IFT122: variants seen among roughly 807,000 people sequenced by gnomAD.
The protein encoded by IFT122 is intraflagellar transport protein 122 homolog.
A neutral mutation model predicts 161.6 loss-of-function variants in IFT122; 118 were observed. The ratio of observed to expected loss-of-function variants is 0.73; its 90% CI spans 0.63 to 0.85. IFT122 has a LOEUF of 0.85. IFT122 is among the 40% of genes least tolerant of loss of function. The probability of loss-of-function intolerance (pLI) is 0.00; values close to 1 mark genes in which losing one functional copy is unlikely to be tolerated. For synonymous variants in IFT122, 550 were observed against 602.4 expected (o/e 0.91, Z 1.27); for missense variants, 1,381 against 1,579.6 (o/e 0.87, Z 2.13).
In IFT122 at chr3:129,487,670, C is replaced by T. The variant is rs539955704; in HGVS notation, c.1852-587C>T. ...CCTGGAAGAAGAGGCCATTCCAGACCGCTTCCTCCCACGAACTCATTCATT... is the reference window on the plus strand; with the variant it reads ...CCTGGAAGAAGAGGCCATTCCAGACTGCTTCCTCCCACGAACTCATTCATT... On this transcript the variant is annotated intron_variant, in intron 15 of 29. Coordinates refer to ENST00000348417, the MANE Select transcript of IFT122 (RefSeq NM_052989.3). 13 of 173,012 alleles carry T rather than the reference C, an allele frequency of 7.5e-5. No individual in the cohort carries two copies. The South Asian group carries it at 1.1e-3, about 14-fold the overall frequency. The allele number at this position is 173,012 out of a possible 1,614,324, so 10.7% of individuals were successfully genotyped here. A position where few individuals can be genotyped will look rare whatever the true frequency, so the allele number is the denominator to read the frequency against.
At chr3:129,520,021 C>T (rs564281304) in intron 29 of IFT122, among the ~76,000 whole-genome samples, 155 bp from the exon 30 acceptor site, 1 of 152,196 alleles carries the variant, frequency 6.6e-6, no homozygotes, top group Non-Finnish European at 1.5e-5. Context: ...CCTCCCATCT[C>T]CCCTTCCAGC....
intron 17 of IFT122, 48 bp from the exon 18 acceptor site, chr3:129,495,398 C>T (rs199742667): frequency 8.6e-5 from 138 of 1,610,168 alleles, no homozygotes; most frequent in East Asian, 8.5e-4. Flanking sequence ...AAGGCTGCTT[C>T]CTGCCCATGG....
chr3:129,514,578 A>G lies in IFT122; in HGVS notation c.3153+24A>G, dbSNP rs201643140. The G allele has an allele frequency of 2.3e-4, 378 of 1,614,010 alleles. 2 individuals are homozygous for G. In the African/African-American group the frequency reaches 4.4e-3, roughly 19 times the overall value. ...AGGTGAGGATGCAGCACCCTTGGGC[A>G]GGTGGCTTCTCCTCTCCCTTGAGGC... On this transcript the variant is annotated intron_variant, in intron 25 of 29. Coordinates refer to ENST00000348417, the MANE Select transcript of IFT122 (RefSeq NM_052989.3).
chr3:129,449,539 C>G (rs1434097882), intron 1 of IFT122, among the ~76,000 whole-genome samples: 1 of 152,166 alleles, frequency 6.6e-6, no homozygotes, highest in Non-Finnish European at 1.5e-5. Context: ...TTTACTGGCC[C>G]TTAACACATT....
At chr3:129,500,123 C>T in intron 19 of IFT122, 55 bp downstream of exon 19, 2 of 1,582,900 alleles carry the variant, frequency 1.3e-6, no homozygotes, top group Non-Finnish European at 1.7e-6. Flanking sequence ...TCACATGTCA[C>T]CTCTTGACTG....
Position 129,507,690 on chromosome 3 carries a change from G to A in IFT122, c.2814G>A (p.Met938Ile). The A allele has an allele frequency of 6.2e-7, 1 of 1,614,154 alleles. No homozygotes were observed. The highest frequency in any genetic ancestry group is 8.5e-7 in the Non-Finnish European group (1 of 1,180,000). ...IAQDPAQKDTMLGKFYHFQRL... is the reference protein window; with the variant it reads ...IAQDPAQKDTILGKFYHFQRL... ...CAGATCCTGCCCAGAAGGACACAAT[G>A]CTTGGCAAGTTCTACCACTTCCAGC... Residue 938 changes from methionine to isoleucine, a missense_variant, in exon 23 of 30, where the codon ATG becomes ATA. Transcript: ENST00000348417.
At position 129,512,235 on chromosome 3, in the gene IFT122, T is replaced by C. The variant is rs770258262; in HGVS notation, c.2887-77T>C. 822 of 958,920 alleles carry C rather than the reference T, an allele frequency of 8.6e-4. 4 individuals are homozygous for C. The highest frequency in any genetic ancestry group is 1.1e-3 in the Non-Finnish European group (621 of 581,588). 59.4% of individuals were successfully genotyped at this position (958,920 alleles called of 1,614,324 possible). A position where few individuals can be genotyped will look rare whatever the true frequency, so the allele number is the denominator to read the frequency against. ...CTCTTGTTGATGTCACTCAGAATTATTGGTGTCTGCCTTTTGGCCTGGCCC... is the reference window on the plus strand; with the variant it reads ...CTCTTGTTGATGTCACTCAGAATTACTGGTGTCTGCCTTTTGGCCTGGCCC... On this transcript the variant is annotated intron_variant, in intron 23 of 29. Coordinates refer to ENST00000348417, the MANE Select transcript of IFT122 (RefSeq NM_052989.3).
At chr3:129,448,670 C>T (rs1330736711) in intron 1 of IFT122, among the ~76,000 whole-genome samples, 3 of 151,998 alleles carry the variant, frequency 2.0e-5, no homozygotes, top group African/African-American at 7.2e-5. Context: ...GTGCAAGCTT[C>T]CAGCTTGCCT....
intron 1 of IFT122, among the ~76,000 whole-genome samples, chr3:129,443,473 G>A (rs2073542108): frequency 6.6e-6 from 1 of 152,238 alleles, no homozygotes; most frequent in Non-Finnish European, 1.5e-5. Context: ...TCAAGCAGGG[G>A]CTAGATGGCC....
At position 129,454,410 on chromosome 3, in the gene IFT122, A is replaced by C. The variant is rs1032029957; in HGVS notation, c.193+2412A>C. On this transcript the variant is annotated intron_variant, in intron 3 of 29. Transcript: ENST00000348417. The stretch of plus-strand genomic sequence containing the variant: ...CTCTGTCTCTTAAAAAAAAAAAAAA[A>C]AGACAAGTCATGTGACTTGCCAAGG... Among the ~76,000 whole-genome samples, 8 of 151,804 alleles carry C rather than the reference A, an allele frequency of 5.3e-5. No homozygotes were observed. In the East Asian group the frequency reaches 5.8e-4, roughly 11 times the overall value.
In IFT122 at chr3:129,440,367, C is replaced by T. The variant is rs2072784324; in HGVS notation, c.37C>T (p.His13Tyr). 1 of 1,550,644 alleles carries T rather than the reference C, an allele frequency of 6.4e-7. No homozygotes were observed. Among genetic ancestry groups the T allele is most frequent in the Non-Finnish European group, 8.7e-7 (1 of 1,146,822 alleles). The stretch of plus-strand genomic sequence containing the variant: ...GTTGACGTGGAGAGATAAAGCCGAG[C>T]ACTGGTGAGGAGCGGGGCGGTTCGC... ...AVLTWRDKAE[H>Y]CINDIAFKPD... The change falls in exon 1 of 30, where the codon CAC becomes TAC. Residue 13 changes from histidine to tyrosine, a missense_variant. Around this residue, in one of 7 missense-constraint regions of IFT122, gnomAD observed 134 missense variants for 137.4 expected, o/e 0.98. Transcript: ENST00000348417.
intron 13 of IFT122, among the ~76,000 whole-genome samples, chr3:129,480,654 T>G (rs1347107991): frequency 6.6e-6 from 1 of 152,130 alleles, no homozygotes; most frequent in African/African-American, 2.4e-5. Flanking sequence ...GAAGGGCCGC[T>G]TATTTCTCAG....
In IFT122 at chr3:129,514,522, A is replaced by G; in HGVS notation, c.3121A>G (p.Thr1041Ala). 6.2e-7 allele frequency: 1 copy of G among 1,614,152 alleles called. No homozygotes were observed. Among genetic ancestry groups the G allele is most frequent in the Non-Finnish European group, 8.5e-7 (1 of 1,180,014 alleles). Reference protein sequence around the residue: ...FQKSIELGTLTIRAKPFHDSE... With the variant: ...FQKSIELGTLAIRAKPFHDSE... ...AAAGTCCATTGAGCTGGGTACCCTG[A>G]CCATCCGCGCCAAGCCCTTCCACGA... The change falls in exon 25 of 30, where the codon ACC becomes GCC. Residue 1041 changes from threonine (T) to alanine (A), a missense_variant. By Grantham distance (58) the Thr-to-Ala change is moderately conservative. Around this residue, in one of 7 missense-constraint regions of IFT122, gnomAD observed 496 missense variants for 502.5 expected, o/e 0.99. Transcript: ENST00000348417.
At chr3:129,504,522 CAA>C (rs1225941555) in intron 21 of IFT122, 101 bp downstream of exon 21, 1 of 901,104 alleles carries the variant, frequency 1.1e-6, no homozygotes, top group African/African-American at 1.6e-5. Flanking sequence ...CTGTAGATCC[CAA>C]GATAGATGAC....
chr3:129,515,005 C>T (rs752975420), intron 25 of IFT122: 8 of 362,318 alleles, frequency 2.2e-5, no homozygotes, highest in Non-Finnish European at 4.2e-5. Context: ...TTCACACATC[C>T]TCCCTCAAGC....
In IFT122 at chr3:129,512,424, C is replaced by G. The variant is rs769816487; in HGVS notation, c.2987+12C>G. The G allele has an allele frequency of 3.2e-6, 5 of 1,549,434 alleles. No homozygotes were observed. The highest frequency in any genetic ancestry group is 4.5e-6 in the Non-Finnish European group (5 of 1,121,044). ...GGCATCTCTAAAGTGTATCCTTTCT[C>G]TTATCCCTCCTCCGTCCCACCACCG... is the stretch of plus-strand genomic sequence containing the variant. On this transcript the variant is annotated intron_variant, in intron 24 of 29. Transcript: ENST00000348417.
intron 14 of IFT122, among the ~76,000 whole-genome samples, chr3:129,482,681 T>C (rs1559926143): frequency 6.6e-6 from 1 of 152,192 alleles, no homozygotes; most frequent in Non-Finnish European, 1.5e-5. Context: ...GGGCATAGCC[T>C]TCAAGCTGAC....
chr3:129,441,722 C>T (rs1352488529), intron 1 of IFT122, among the ~76,000 whole-genome samples: 1 of 152,162 alleles, frequency 6.6e-6, no homozygotes, highest in Non-Finnish European at 1.5e-5. Context: ...TATGTTTTCC[C>T]TAGGAATAGT....
At chr3:129,493,672 AC>A (rs2080433336) in intron 17 of IFT122, among the ~76,000 whole-genome samples, 1 of 152,152 alleles carries the variant, frequency 6.6e-6, no homozygotes, top group African/African-American at 2.4e-5. Context: ...GGGTTTACCT[AC>A]CCGCGTGGTA....
Sources: allele counts gnomAD v4.1 joint callset (sites outside exome capture counted in the v4.1 genomes callset), GRCh38; gene constraint gnomAD v4.1.1; regional missense constraint gnomAD v4.1.1; transcripts MANE v1.5; gene names NCBI Gene and HGNC (gene_info 2026-07-23, HGNC 2026-07-21).